MEGF11: variants seen among roughly 807,000 people sequenced by gnomAD.
MEGF11 encodes multiple epidermal growth factor-like domains protein 11.
Under a neutral mutation model 146.6 loss-of-function variants are expected in MEGF11, and 126 were observed. That is an observed-to-expected ratio of 0.86 (90% CI 0.74 to 1.00). The LOEUF (loss-of-function observed/expected upper bound fraction) is 1.00. MEGF11 is among the 50% of genes least tolerant of loss of function. The probability of loss-of-function intolerance (pLI) is 0.00; values close to 1 mark genes in which losing one functional copy is unlikely to be tolerated. For missense variants in MEGF11, 1,509 were observed against 1,521.2 expected, an observed-to-expected ratio of 0.99 and a Z score of 0.13; for synonymous variants, 532 against 583.4, an observed-to-expected ratio of 0.91 and a Z score of 1.27.
intron 1 of MEGF11, among the ~76,000 whole-genome samples, chr15:66,131,959 T>A (rs553388447): frequency 6.6e-5 from 10 of 152,306 alleles, no homozygotes; most frequent in African/African-American, 2.2e-4. Flanking sequence ...TCAAGCTGTG[T>A]CCTGAGAGTC....
intron 21 of MEGF11, among the ~76,000 whole-genome samples, chr15:65,910,350 A>C (rs892251919): frequency 6.6e-6 from 1 of 152,084 alleles, no homozygotes; most frequent in Admixed American, 6.5e-5. Flanking sequence ...TGCCCTTCAT[A>C]TGAGGCAAGG....
At chr15:66,201,946 CAAAAAAAAAAAAAAAAAA>C (rs71139471) in intron 1 of MEGF11, among the ~76,000 whole-genome samples, 4 of 31,780 alleles carry the variant, frequency 1.3e-4, no homozygotes, top group Non-Finnish European at 1.6e-4. Context: ...GACTCCATCT[CAAAAAAAAAAAAAAAAAA>C]AAAAAAAAAA....
intron 5 of MEGF11, among the ~76,000 whole-genome samples, chr15:66,038,279 G>C (rs1373510933): frequency 6.6e-6 from 1 of 152,168 alleles, no homozygotes; most frequent in East Asian, 1.9e-4. Context: ...CTTTGGTATG[G>C]AGGAAAGAGC....
intron 4 of MEGF11, among the ~76,000 whole-genome samples, chr15:66,107,981 T>C (rs2140833006): frequency 6.6e-6 from 1 of 152,088 alleles, no homozygotes; most frequent in Non-Finnish European, 1.5e-5. Context: ...TAGGGAGGTG[T>C]CGAGTGGGGC....
chr15:66,039,692 T>C (rs184573), intron 5 of MEGF11, among the ~76,000 whole-genome samples: 14,942 of 152,136 alleles, frequency 0.098, 817 homozygotes, highest in Middle Eastern at 0.13. Context: ...GCCTGGACTG[T>C]CTCAAAGCCC....
At chr15:65,936,375 C>T (rs989419061) in intron 10 of MEGF11, among the ~76,000 whole-genome samples, 1 of 152,166 alleles carries the variant, frequency 6.6e-6, no homozygotes, top group Non-Finnish European at 1.5e-5. Flanking sequence ...AGCTTGGGCC[C>T]CTGCTGGTAC....
At chr15:65,909,698 G>A (rs1030854021) in intron 22 of MEGF11, 42 bp downstream of exon 22, 3 of 1,514,698 alleles carry the variant, frequency 2.0e-6, no homozygotes, top group Non-Finnish European at 2.7e-6. Flanking sequence ...GAAGAATAGG[G>A]TGGGACATGA....
At position 65,965,073 on chromosome 15, in the gene MEGF11, T is replaced by C. The variant is rs1018084172; in HGVS notation, c.947A>G (p.Gln316Arg). 4.4e-6 allele frequency: 7 copies of C among 1,597,024 alleles called. No homozygotes were observed. The highest frequency in any genetic ancestry group is 2.3e-5 in the East Asian group (1 of 44,228). ...CCCCCCATTGTGGCAGTCACAGTGC[T>C]GTGAGCACTGGAAGCCGAAGGACCC... ...PFGSFGFQCS[Q>R]HCDCHNGGQC... Residue 316 changes from glutamine to arginine, a missense_variant, in exon 9 of 26, where the codon CAG (glutamine) becomes CGG (arginine). Transcript: ENST00000395614.
At chr15:66,180,861 C>G (rs2090526161) in intron 1 of MEGF11, among the ~76,000 whole-genome samples, 1 of 152,228 alleles carries the variant, frequency 6.6e-6, no homozygotes, top group Non-Finnish European at 1.5e-5. Context: ...AGCAAAGGAA[C>G]TGGGCTGCCT....
At chr15:65,976,431 T>C (rs1269443654) in intron 7 of MEGF11, among the ~76,000 whole-genome samples, 2 of 152,186 alleles carry the variant, frequency 1.3e-5, no homozygotes, top group African/African-American at 2.4e-5. Flanking sequence ...CAAGTTAAGA[T>C]GAGGTCATAT....
intron 1 of MEGF11, among the ~76,000 whole-genome samples, chr15:66,171,919 G>A (rs951472049): frequency 7.2e-5 from 11 of 152,018 alleles, no homozygotes; most frequent in South Asian, 2.1e-4. Flanking sequence ...CAATATCCCC[G>A]CCGTCTCCAA....
At position 65,965,021 on chromosome 15, in the gene MEGF11, G is replaced by A. The variant is rs548669305; in HGVS notation, c.999C>T (p.Cys333=). 76 of 1,577,874 alleles carry A rather than the reference G, an allele frequency of 4.8e-5. No individual in the cohort carries two copies. The highest frequency in any genetic ancestry group is 1.8e-4 in the Middle Eastern group (1 of 5,636). ...GGCCCTTGTAGCCAGGCTCACACTC[G>A]CAGGCACCCGTGGTGGGTGAACACT... is the stretch of plus-strand genomic sequence containing the variant. ...GGQCSPTTGA[C]ECEPGYKGPR... Residue 333 remains cysteine, a synonymous_variant, in exon 9 of 26, where the codon TGC becomes TGT. Coordinates refer to ENST00000395614, the MANE Select transcript of MEGF11 (RefSeq NM_001385028.1).
chr15:66,227,359 C>G (rs1277546431), intron 1 of MEGF11, among the ~76,000 whole-genome samples: 2 of 152,058 alleles, frequency 1.3e-5, no homozygotes, highest in African/African-American at 2.4e-5. Context: ...TAAATTAGAC[C>G]TTTTATCCTC....
intron 5 of MEGF11, among the ~76,000 whole-genome samples, chr15:66,039,969 C>T (rs537616950): frequency 7.2e-6 from 1 of 139,474 alleles, no homozygotes; most frequent in African/African-American, 2.7e-5. Context: ...GGTCAGGCGG[C>T]GGTGGGGTGA....
At chr15:66,077,386 C>T (rs1392569453) in intron 5 of MEGF11, among the ~76,000 whole-genome samples, 1 of 152,260 alleles carries the variant, frequency 6.6e-6, no homozygotes, top group Non-Finnish European at 1.5e-5. Flanking sequence ...ACCAATTTGA[C>T]TCCTGGCCTC....
intron 1 of MEGF11, among the ~76,000 whole-genome samples, chr15:66,191,635 A>G (rs942714698): frequency 6.6e-6 from 1 of 152,156 alleles, no homozygotes; most frequent in African/African-American, 2.4e-5. Context: ...TGACCAGTTG[A>G]GAGTACCTGG....
At chr15:66,033,447 C>G (rs1203836128) in intron 5 of MEGF11, among the ~76,000 whole-genome samples, 1 of 152,246 alleles carries the variant, frequency 6.6e-6, no homozygotes, top group Non-Finnish European at 1.5e-5. Flanking sequence ...CCAGTCACAG[C>G]TCAAGCAGGC....
intron 5 of MEGF11, among the ~76,000 whole-genome samples, chr15:66,062,196 C>G (rs2084933700): frequency 6.6e-6 from 1 of 152,202 alleles, no homozygotes; most frequent in Non-Finnish European, 1.5e-5. Flanking sequence ...AAGCAAAGGC[C>G]CACAGGCTAG....
At chr15:66,015,970 A>C (rs2037401777) in intron 5 of MEGF11, among the ~76,000 whole-genome samples, 1 of 136,772 alleles carries the variant, frequency 7.3e-6, no homozygotes, top group African/African-American at 2.8e-5. Context: ...ATCAGAGCCC[A>C]CCTACTTGGG....
Sources: gnomAD v4.1 joint callset for allele counts (sites outside exome capture counted in the v4.1 genomes callset) on GRCh38, gnomAD v4.1.1 for gene constraint, MANE v1.5 for transcripts, NCBI Gene and HGNC (gene_info 2026-07-23, HGNC 2026-07-21) for gene names.